MAPK10: variants seen among roughly 807,000 people sequenced by gnomAD.
MAPK10 encodes the protein mitogen-activated protein kinase 10.
In MAPK10, 25 loss-of-function variants were observed where a neutral mutation model predicts 59.3. The ratio of observed to expected loss-of-function variants is 0.42; its 90% CI spans 0.31 to 0.59. MAPK10 has a LOEUF of 0.59. Among genes scored for constraint, MAPK10 ranks in the 20% least tolerant of loss-of-function variants. MAPK10 has a pLI of 0.15. For synonymous variants in MAPK10, 190 were observed against 200.5 expected (o/e 0.95, Z 0.44); for missense variants, 351 against 568.9 (o/e 0.62, Z 3.90).
At chr4:86,536,025 T>C (rs1399236525) in intron 1 of MAPK10, among the ~76,000 whole-genome samples, 2 of 151,992 alleles carry the variant, frequency 1.3e-5, no homozygotes, top group African/African-American at 2.4e-5. Context: ...AAGGAAGAAA[T>C]ATAATAGGAC....
chr4:86,297,514 T>G (rs980331508), intron 2 of MAPK10, among the ~76,000 whole-genome samples: 4 of 152,168 alleles, frequency 2.6e-5, no homozygotes, highest in Non-Finnish European at 5.9e-5. Context: ...GGTTTCACCA[T>G]GTTGGCCAGG....
chr4:86,121,607 A>G (rs1166775943), intron 4 of MAPK10, among the ~76,000 whole-genome samples: 1 of 152,116 alleles, frequency 6.6e-6, no homozygotes, highest in East Asian at 1.9e-4. Context: ...TTAATTGACA[A>G]AAATTGTATA....
At chr4:86,030,306 A>C (rs1396853017) in intron 12 of MAPK10, among the ~76,000 whole-genome samples, 1 of 151,932 alleles carries the variant, frequency 6.6e-6, no homozygotes, top group Non-Finnish European at 1.5e-5. Context: ...TATCTTTTAA[A>C]ATTTTTTTAT....
intron 1 of MAPK10, among the ~76,000 whole-genome samples, chr4:86,581,938 T>TATAC (rs1762342598): frequency 4.3e-5 from 4 of 93,848 alleles, no homozygotes; most frequent in Non-Finnish European, 8.8e-5. Flanking sequence ...TATATATATA[T>TATAC]ATATATATAT....
At chr4:86,450,748 G>C (rs1046621064) in intron 1 of MAPK10, among the ~76,000 whole-genome samples, 7 of 152,148 alleles carry the variant, frequency 4.6e-5, no homozygotes, top group Admixed American at 6.5e-5. Flanking sequence ...GTTCACGCTT[G>C]ACATTTAATG....
intron 1 of MAPK10, chr4:86,429,917 T>C (rs1564852976): frequency 1.3e-5 from 2 of 152,148 alleles, no homozygotes; most frequent in African/African-American, 2.4e-5. Flanking sequence ...ACCATTACCA[T>C]TAAAATCTGT....
chr4:86,292,349 T>A (rs920724715), intron 2 of MAPK10, among the ~76,000 whole-genome samples: 1 of 152,170 alleles, frequency 6.6e-6, no homozygotes, highest in African/African-American at 2.4e-5. Flanking sequence ...CATCATTTCC[T>A]TCTGTCAACA....
At chr4:86,510,470 C>T (rs1244811293) in intron 1 of MAPK10, among the ~76,000 whole-genome samples, 1 of 151,490 alleles carries the variant, frequency 6.6e-6, no homozygotes, top group African/African-American at 2.4e-5. Context: ...TTCAAATTGT[C>T]AATCAATAGA....
intron 4 of MAPK10, among the ~76,000 whole-genome samples, chr4:86,127,421 C>T (rs1286921630): frequency 6.6e-6 from 1 of 151,962 alleles, no homozygotes; most frequent in Non-Finnish European, 1.5e-5. Context: ...TTTCTATGAA[C>T]ATGACTCAAA....
At chr4:86,461,980 T>G (rs1327572412) in intron 1 of MAPK10, among the ~76,000 whole-genome samples, 3 of 152,228 alleles carry the variant, frequency 2.0e-5, no homozygotes, top group African/African-American at 7.2e-5. Flanking sequence ...CCTTTTCCTT[T>G]TAAATTCAGG....
At chr4:86,155,847 G>A (rs889966139) in intron 4 of MAPK10, among the ~76,000 whole-genome samples, 7 of 151,924 alleles carry the variant, frequency 4.6e-5, no homozygotes, top group South Asian at 2.1e-4. Flanking sequence ...TTTTGGAGCC[G>A]TTATTAATTA....
intron 2 of MAPK10, among the ~76,000 whole-genome samples, chr4:86,261,374 CT>C (rs2093973693): frequency 6.6e-6 from 1 of 152,152 alleles, no homozygotes; most frequent in African/African-American, 2.4e-5. Flanking sequence ...ATGCCAAACC[CT>C]ACCCAAGTTA....
chr4:86,384,055 A>G (rs1249113288), intron 1 of MAPK10: 1 of 152,208 alleles, frequency 6.6e-6, no homozygotes, highest in Non-Finnish European at 1.5e-5. Flanking sequence ...TCTACAGAAC[A>G]TTTAAATATT....
chr4:86,505,026 C>A (rs1434107126), intron 1 of MAPK10, among the ~76,000 whole-genome samples: 1 of 152,158 alleles, frequency 6.6e-6, no homozygotes, highest in East Asian at 1.9e-4. Context: ...CTAGACCCTG[C>A]ACTATTTTTT....
In MAPK10 at chr4:86,404,907, T is replaced by C. The variant is rs188429812; in HGVS notation, c.-122+48123A>G. Among the ~76,000 whole-genome samples, 25 of 152,260 alleles carry C rather than the reference T, an allele frequency of 1.6e-4. 1 individual carries two copies. The East Asian group carries it at 4.2e-3, about 26-fold the overall frequency. On this transcript the variant is annotated intron_variant, in intron 1 of 13. Coordinates refer to the MAPK10 transcript ENST00000361569. Reference sequence around the variant, plus strand: ...TACATATAACATAATATAATAATTATATAATTGCTAACTCATAACCTTGAA... The same window carrying C: ...TACATATAACATAATATAATAATTACATAATTGCTAACTCATAACCTTGAA...
intron 1 of MAPK10, among the ~76,000 whole-genome samples, chr4:86,412,339 C>T (rs542323703): frequency 4.6e-5 from 7 of 152,214 alleles, no homozygotes; most frequent in African/African-American, 1.4e-4. Flanking sequence ...TACATTTTTT[C>T]CTTCATTTCA....
Position 86,215,644 on chromosome 4 carries a change from C to T in MAPK10, c.-6-21237G>A, listed in dbSNP as rs185007390. ...TTGGGAGACCAAGGCAGATGGATCACGAGGTTAGGAGATCAAGATCATCAT... is the reference window on the plus strand; with the variant it reads ...TTGGGAGACCAAGGCAGATGGATCATGAGGTTAGGAGATCAAGATCATCAT... On this transcript the variant is annotated intron_variant, in intron 2 of 13. Coordinates refer to ENST00000641462, the MANE Select transcript of MAPK10 (RefSeq NM_138982.4). 1.3e-4 allele frequency among the ~76,000 whole-genome samples: 20 copies of T among 152,232 alleles called. No individual in the cohort carries two copies. In the East Asian group the frequency reaches 3.3e-3, roughly 25 times the overall value.
intron 2 of MAPK10, among the ~76,000 whole-genome samples, chr4:86,291,391 A>G (rs2095222766): frequency 6.6e-6 from 1 of 152,230 alleles, no homozygotes; most frequent in African/African-American, 2.4e-5. Flanking sequence ...TGTGCTACAC[A>G]TCACATCAGC....
At chr4:86,021,067 T>C (rs1746446870) in intron 13 of MAPK10, among the ~76,000 whole-genome samples, 1 of 151,950 alleles carries the variant, frequency 6.6e-6, no homozygotes, top group South Asian at 2.1e-4. Context: ...GTTCTCCACG[T>C]CCCCATCAGA....
Sources: gnomAD v4.1 joint callset for allele counts (sites outside exome capture counted in the v4.1 genomes callset) on GRCh38, gnomAD v4.1.1 for gene constraint, MANE v1.5 for transcripts, NCBI Gene and HGNC (gene_info 2026-07-23, HGNC 2026-07-21) for gene names.